The following PCDH11X variants were observed in gnomAD, a reference collection of about 807,000 sequenced individuals.
PCDH11X encodes the protein protocadherin-11 X-linked.
In PCDH11X, 18 loss-of-function variants were observed where a neutral mutation model predicts 53.3. The ratio of observed to expected loss-of-function variants is 0.34; its 90% CI spans 0.23 to 0.50. The LOEUF is 0.50. PCDH11X is among the 20% of genes least tolerant of loss of function. The pLI, the probability that PCDH11X is intolerant of heterozygous loss-of-function variation, is 0.98. For synonymous variants in PCDH11X, 279 were observed against 393.3 expected (o/e 0.71, Z 3.44); for missense variants, 570 against 1,032.4 (o/e 0.55, Z 6.14).
intron 8 of PCDH11X, among the ~76,000 whole-genome samples, chrX:92,297,130 A>G (rs1303784327): frequency 1.9e-5 from 2 of 105,727 alleles, no homozygotes; most frequent in Non-Finnish European, 3.9e-5. Context: ...TTCTTTTGCT[A>G]TGCAGAAGCT....
chrX:92,461,563 T>C (rs917271259), intron 9 of PCDH11X, among the ~76,000 whole-genome samples: 5 of 112,167 alleles, frequency 4.5e-5, no homozygotes, highest in Non-Finnish European at 9.4e-5. Context: ...CAAATCCAAG[T>C]GGATTAAACA....
chrX:92,054,263 G>T (rs1394832360), intron 6 of PCDH11X, among the ~76,000 whole-genome samples: 1 of 111,523 alleles, frequency 9.0e-6, no homozygotes, highest in African/African-American at 3.3e-5. Context: ...GGTAAATTTA[G>T]CAAGGAATGG....
chrX:92,061,861 A>G (rs1166989568), intron 6 of PCDH11X, among the ~76,000 whole-genome samples: 1 of 111,585 alleles, frequency 9.0e-6, no homozygotes, highest in Non-Finnish European at 1.9e-5. Context: ...GAAGAATGTC[A>G]TTGGTAGTTT....
chrX:92,498,244 GT>G (rs950539066), intron 10 of PCDH11X, among the ~76,000 whole-genome samples: 2 of 110,718 alleles, frequency 1.8e-5, no homozygotes, highest in Non-Finnish European at 1.9e-5. Flanking sequence ...AAAAGAGGTA[GT>G]TTTGCTTGTC....
chrX:92,213,584 T>A (rs1340319043), intron 7 of PCDH11X, among the ~76,000 whole-genome samples: 2 of 111,738 alleles, frequency 1.8e-5, no homozygotes, highest in Non-Finnish European at 3.8e-5. Context: ...GTATCCCAGG[T>A]GTGACCTGAC....
At chrX:91,797,312 T>C (rs1207539725) in intron 1 of PCDH11X, among the ~76,000 whole-genome samples, 4 of 107,465 alleles carry the variant, frequency 3.7e-5, no homozygotes, top group Non-Finnish European at 7.7e-5. Flanking sequence ...TGTTGTAGAT[T>C]ATATAATGAG....
chrX:92,131,467 C>T lies in PCDH11X; in HGVS notation c.3034-69908C>T, dbSNP rs750549340. 3.4e-3 allele frequency among the ~76,000 whole-genome samples: 384 copies of T among 111,392 alleles called. 2 individuals are homozygous for T. The highest frequency in any genetic ancestry group is 5.6e-3 in the Non-Finnish European group (300 of 53,134). On this transcript the variant is annotated intron_variant, in intron 6 of 10. Coordinates refer to ENST00000682573, the MANE Select transcript of PCDH11X (RefSeq NM_032968.5). Reference sequence around the variant, plus strand: ...AACTGAGGGTCGGGCTGCTATTTCTCGCAGCCCAATAAGGAGATGCAGATG... The same window carrying T: ...AACTGAGGGTCGGGCTGCTATTTCTTGCAGCCCAATAAGGAGATGCAGATG...
intron 8 of PCDH11X, among the ~76,000 whole-genome samples, chrX:92,280,408 C>T (rs2068222537): frequency 2.7e-5 from 3 of 109,387 alleles, no homozygotes; most frequent in South Asian, 3.9e-4. Flanking sequence ...ATTAGCTGGG[C>T]GTGGTGGTGC....
At chrX:92,585,169 C>T (rs767154684) in intron 10 of PCDH11X, among the ~76,000 whole-genome samples, 1 of 109,410 alleles carries the variant, frequency 9.1e-6, no homozygotes, top group Non-Finnish European at 1.9e-5. Flanking sequence ...AGATCTCACT[C>T]ACTATCAAAA....
intron 6 of PCDH11X, among the ~76,000 whole-genome samples, chrX:91,917,187 A>G (rs886712507): frequency 2.7e-5 from 3 of 109,845 alleles, no homozygotes; most frequent in Non-Finnish European, 3.8e-5. Context: ...TATCTGTGAC[A>G]AACACATAGC....
intron 8 of PCDH11X, among the ~76,000 whole-genome samples, chrX:92,332,598 T>C (rs2069517121): frequency 8.9e-6 from 1 of 112,406 alleles, no homozygotes; most frequent in Non-Finnish European, 1.9e-5. Context: ...AAATATGTTC[T>C]CACAATTTCT....
intron 9 of PCDH11X, among the ~76,000 whole-genome samples, chrX:92,430,428 T>TGTTAA (rs1556418069): frequency 1.2e-5 from 1 of 80,994 alleles, no homozygotes; most frequent in Non-Finnish European, 2.8e-5. Context: ...TCTCTGATAA[T>TGTTAA]GTCAATGTTT....
chrX:92,037,897 T>TG (rs200851898), intron 6 of PCDH11X, among the ~76,000 whole-genome samples: 14,065 of 96,651 alleles, frequency 0.15, 1,117 homozygotes, highest in Admixed American at 0.26. Flanking sequence ...GGGTTATTTG[T>TG]GGGTTTTTTT....
intron 6 of PCDH11X, among the ~76,000 whole-genome samples, chrX:92,171,510 C>T (rs1186917841): frequency 1.8e-5 from 2 of 111,018 alleles, no homozygotes; most frequent in Non-Finnish European, 3.8e-5. Flanking sequence ...CTCAGGCTGG[C>T]GTGCAGTAGT....
chrX:92,361,821 A>G (rs2070352663), intron 8 of PCDH11X, among the ~76,000 whole-genome samples: 1 of 107,661 alleles, frequency 9.3e-6, no homozygotes, highest in East Asian at 2.9e-4. Context: ...GTGATGCCCC[A>G]TTCCTCCTGG....
rs1928643482 is a variant in PCDH11X, at chrX:92,623,182, T to C, written c.*4242T>C. The C allele has an allele frequency of 2.7e-5, 3 of 110,625 alleles. No homozygotes were observed. The highest frequency in any genetic ancestry group is 9.8e-5 in the African/African-American group (3 of 30,465). The allele number at this position is 110,625 out of a possible 1,213,427, so 9.1% of individuals were successfully genotyped here. On this transcript the variant is annotated 3_prime_UTR_variant, in exon 11 of 11. Coordinates refer to ENST00000682573, the MANE Select transcript of PCDH11X (RefSeq NM_032968.5). ...TAATTGTTCTATTTCAGGTTCTGTA[T>C]TGCATGTTTTCTTATTAATATATAT...
Position 91,878,515 on chromosome X carries a change from C to G in PCDH11X, c.2275C>G (p.Pro759Ala). The G allele has an allele frequency of 8.3e-7, 1 of 1,210,786 alleles. No homozygotes were observed. Among genetic ancestry groups the G allele is most frequent in the Non-Finnish European group, 1.1e-6 (1 of 895,255 alleles). Residue 759 changes from proline to alanine, a missense_variant, in exon 6 of 11, where the codon CCT becomes GCT. Pro to Ala is a conservative substitution (Grantham distance 27, BLOSUM62 -1). This residue lies in a region of PCDH11X where 226 missense variants were observed against 457.5 expected (regional missense o/e 0.49). Coordinates refer to ENST00000682573, the MANE Select transcript of PCDH11X (RefSeq NM_032968.5). ...GGTCAAAGCTAATGACTTAGGACAGCCTGATTCTCTCTTCAGTGTTGTAAT... is the reference window on the plus strand; with the variant it reads ...GGTCAAAGCTAATGACTTAGGACAGGCTGATTCTCTCTTCAGTGTTGTAAT... ...VLVKANDLGQ[P>A]DSLFSVVIVN...
At chrX:92,252,460 A>T (rs1450213223) in intron 7 of PCDH11X, among the ~76,000 whole-genome samples, 1 of 110,758 alleles carries the variant, frequency 9.0e-6, no homozygotes, top group East Asian at 2.8e-4. Flanking sequence ...TCATTAGACA[A>T]ATATGTATTG....
Position 91,919,489 on chromosome X carries a change from T to A in PCDH11X, c.3033+40216T>A, listed in dbSNP as rs751038554. On this transcript the variant is annotated intron_variant, in intron 6 of 10. Transcript: ENST00000682573. ...ATTAATGCATCAGGCTGATTTGAAA[T>A]CAGTATTGAGGTAGAGTCAGAATAT... Among the ~76,000 whole-genome samples, 11 of 111,573 alleles carry A rather than the reference T, an allele frequency of 9.9e-5. No homozygotes were observed. In the South Asian group the frequency reaches 3.4e-3, roughly 34 times the overall value.
Sources: gnomAD v4.1 joint callset for allele counts (sites outside exome capture counted in the v4.1 genomes callset) on GRCh38, gnomAD v4.1.1 for gene constraint, gnomAD v4.1.1 regional missense constraint, MANE v1.5 for transcripts, NCBI Gene and HGNC (gene_info 2026-07-23, HGNC 2026-07-21) for gene names.